ANKRD33B: variants seen among roughly 807,000 people sequenced by gnomAD.
ANKRD33B encodes the protein ankyrin repeat domain 33B.
ANKRD33B carries 6 observed loss-of-function variants against 21.5 expected under a neutral mutation model. The ratio of observed to expected loss-of-function variants is 0.28; its 90% CI spans 0.15 to 0.55. ANKRD33B has a LOEUF of 0.55. Among genes scored for constraint, ANKRD33B ranks in the 20% least tolerant of loss-of-function variants. ANKRD33B has a pLI of 0.94. For synonymous variants in ANKRD33B, 347 were observed against 342.4 expected (o/e 1.01, Z -0.15); for missense variants, 698 against 747.2 (o/e 0.93, Z 0.77).
At chr5:10,570,708 C>T (rs753527545) in intron 1 of ANKRD33B, among the ~76,000 whole-genome samples, 31 of 152,034 alleles carry the variant, frequency 2.0e-4, no homozygotes, top group Admixed American at 5.2e-4. Flanking sequence ...AGGTGCACAC[C>T]TCCACGCCAG....
rs10572843 is a variant in ANKRD33B at position 10,613,281 on chromosome 5, ATTTT to A, written c.367-5034_367-5031del. Among the ~76,000 whole-genome samples the A allele has an allele frequency of 3.1e-3, 406 of 131,620 alleles. 1 individual carries two copies. Among genetic ancestry groups the A allele is most frequent in the Middle Eastern group, 0.021 (5 of 236 alleles). 86.3% of individuals were successfully genotyped at this position (131,620 alleles called of 152,430 possible). A position where few individuals can be genotyped will look rare whatever the true frequency, so the allele number is the denominator to read the frequency against. Reference sequence around the variant, plus strand: ...ATTGTAAAACTATTTCTTAATGAGGATTTTTTTTTTTTTTTTTTTTTGAGATAGA... The same window carrying A: ...ATTGTAAAACTATTTCTTAATGAGGATTTTTTTTTTTTTTTTTGAGATAGA... On this transcript the variant is annotated intron_variant, in intron 1 of 3. Transcript: ENST00000296657.
Position 10,656,979 on chromosome 5 carries a change from G to GAAA in ANKRD33B, c.*6875_*6877dup, listed in dbSNP as rs75720434. On this transcript the variant is annotated 3_prime_UTR_variant, in exon 4 of 4. Transcript: ENST00000296657. Reference sequence around the variant, plus strand: ...ACACCCCTCTATTGTTTTTAAATAAGAAAAAAAAAAACCCCACGAAACTTT... The same window carrying GAAA: ...ACACCCCTCTATTGTTTTTAAATAAGAAAAAAAAAAAAAACCCCACGAAACTTT... The GAAA allele has an allele frequency of 2.4e-3, 349 of 147,808 alleles. No homozygotes were observed. Among genetic ancestry groups the GAAA allele is most frequent in the Admixed American group, 3.6e-3 (53 of 14,902 alleles). The allele number at this position is 147,808 out of a possible 1,614,324, so 9.2% of individuals were successfully genotyped here.
intron 1 of ANKRD33B, among the ~76,000 whole-genome samples, chr5:10,565,783 G>T (rs1444359160): frequency 3.9e-5 from 6 of 152,232 alleles, no homozygotes; most frequent in Admixed American, 3.9e-4. Context: ...GTGCTCAGTG[G>T]GCAAATGGCA....
At chr5:10,579,570 C>T (rs2126551289) in intron 1 of ANKRD33B, among the ~76,000 whole-genome samples, 2 of 152,110 alleles carry the variant, frequency 1.3e-5, no homozygotes, top group South Asian at 4.1e-4. Flanking sequence ...AGGTTCTTTA[C>T]CTGGAAAATT....
chr5:10,603,886 A>T (rs2126570505), intron 1 of ANKRD33B, among the ~76,000 whole-genome samples: 1 of 151,828 alleles, frequency 6.6e-6, no homozygotes, highest in East Asian at 1.9e-4. Context: ...AAATAATTTC[A>T]AAAGGAGAAC....
At chr5:10,584,011 G>A (rs1026003120) in intron 1 of ANKRD33B, among the ~76,000 whole-genome samples, 1 of 152,160 alleles carries the variant, frequency 6.6e-6, no homozygotes, top group African/African-American at 2.4e-5. Context: ...ATCCTGCCAC[G>A]TTTACCCAGT....
intron 2 of ANKRD33B, among the ~76,000 whole-genome samples, chr5:10,636,683 C>T (rs759584486): frequency 6.6e-6 from 1 of 152,166 alleles, no homozygotes; most frequent in Non-Finnish European, 1.5e-5. Flanking sequence ...AGGAGAGACT[C>T]GGGCAGATTG....
At chr5:10,638,989 A>T (rs34752589) in intron 3 of ANKRD33B, among the ~76,000 whole-genome samples, 1 of 67,140 alleles carries the variant, frequency 1.5e-5, no homozygotes, top group East Asian at 3.9e-4. Context: ...GGTGACGCGG[A>T]GTTGCGCGGC....
chr5:10,617,966 C>A (rs1281865772), intron 1 of ANKRD33B, among the ~76,000 whole-genome samples: 1 of 152,228 alleles, frequency 6.6e-6, no homozygotes, highest in African/African-American at 2.4e-5. Context: ...TAGAGAGCTG[C>A]ACCCGCCCTG....
intron 1 of ANKRD33B, among the ~76,000 whole-genome samples, chr5:10,596,687 A>G (rs1735824198): frequency 6.6e-6 from 1 of 152,210 alleles, no homozygotes; most frequent in Non-Finnish European, 1.5e-5. Flanking sequence ...AATTCAGGAA[A>G]TGCAGAGAAA....
At chr5:10,596,637 G>T (rs775869234) in intron 1 of ANKRD33B, among the ~76,000 whole-genome samples, 3 of 152,182 alleles carry the variant, frequency 2.0e-5, no homozygotes, top group Non-Finnish European at 4.4e-5. Context: ...GATATCATTT[G>T]TGAGAACTTC....
chr5:10,628,106 T>C (rs1367564705), intron 2 of ANKRD33B: 2 of 152,268 alleles, frequency 1.3e-5, no homozygotes, highest in Non-Finnish European at 2.9e-5. Flanking sequence ...AGAACTGCAG[T>C]TTGAGTGCCT....
At chr5:10,570,457 G>T (rs926909778) in intron 1 of ANKRD33B, among the ~76,000 whole-genome samples, 26 of 152,182 alleles carry the variant, frequency 1.7e-4, no homozygotes, top group Non-Finnish European at 3.2e-4. Context: ...CATGGCAGGG[G>T]CAGGGTTCCA....
intron 2 of ANKRD33B, 36 bp downstream of exon 2, chr5:10,618,498 TG>T: frequency 4.0e-6 from 6 of 1,491,484 alleles, no homozygotes; most frequent in Non-Finnish European, 4.5e-6. Context: ...CTCAGAGCCG[TG>T]GCCAGAGCAC....
At chr5:10,585,032 C>T (rs189385241) in intron 1 of ANKRD33B, among the ~76,000 whole-genome samples, 238 of 152,282 alleles carry the variant, frequency 1.6e-3, no homozygotes, top group Middle Eastern at 3.4e-3. Context: ...AGAGGGACTA[C>T]AGCAGAGCAC....
At chr5:10,617,107 G>A (rs1364137856) in intron 1 of ANKRD33B, among the ~76,000 whole-genome samples, 1 of 152,174 alleles carries the variant, frequency 6.6e-6, no homozygotes. Context: ...CTCCACCCTC[G>A]TGATCTAATC....
chr5:10,650,130 C>CGCTGGG lies in ANKRD33B; in HGVS notation c.*20_*25dup. ...AGGACGTGAGGGCCCGTGTGCCTGG[C>CGCTGGG]GCTGGGGCCGGGGCTGGGGCCGGGG... On this transcript the variant is annotated 3_prime_UTR_variant, in exon 4 of 4. Transcript: ENST00000296657. 1 of 1,464,076 alleles carries CGCTGGG rather than the reference C, an allele frequency of 6.8e-7. No individual in the cohort carries two copies. The highest frequency in any genetic ancestry group is 1.5e-5 in the African/African-American group (1 of 65,480). 90.7% of individuals were successfully genotyped at this position (1,464,076 alleles called of 1,614,324 possible). A position where few individuals can be genotyped will look rare whatever the true frequency, so the allele number is the denominator to read the frequency against.
rs1223852303 is a variant in ANKRD33B at position 10,564,631 on chromosome 5, A to C, written c.164A>C (p.Asp55Ala). The C allele has an allele frequency of 6.5e-7, 1 of 1,535,102 alleles. No individual in the cohort carries two copies. Among genetic ancestry groups the C allele is most frequent in the Non-Finnish European group, 8.7e-7 (1 of 1,146,680 alleles). Residue 55 changes from aspartate to alanine, a missense_variant, in exon 1 of 4, where the codon GAC becomes GCC. Asp to Ala is a moderately radical substitution (Grantham distance 126). Coordinates refer to ENST00000296657, the MANE Select transcript of ANKRD33B (RefSeq NM_001164440.2). ...CCAGACACCCGCAGCATCGCCTCGG[A>C]CGACTCTTTCTACCCTTTCGAGGAC... ...SLPDTRSIAS[D>A]DSFYPFEDEE... is the part of the protein sequence containing the mutation.
chr5:10,641,939 C>T (rs960950567), intron 3 of ANKRD33B, among the ~76,000 whole-genome samples: 1 of 152,212 alleles, frequency 6.6e-6, no homozygotes, highest in Non-Finnish European at 1.5e-5. Context: ...AGAAATGGTT[C>T]CTACTAATTA....
Sources: gnomAD v4.1 joint callset for allele counts (sites outside exome capture counted in the v4.1 genomes callset) on GRCh38, gnomAD v4.1.1 for gene constraint, MANE v1.5 for transcripts, NCBI Gene and HGNC (gene_info 2026-07-23, HGNC 2026-07-21) for gene names.